Variants in WHRN observed in about 807,000 individuals in gnomAD.
WHRN encodes whirlin.
Under a neutral mutation model 68.3 loss-of-function variants are expected in WHRN, and 41 were observed. That is an observed-to-expected ratio of 0.60 (90% CI 0.47 to 0.78). WHRN has a LOEUF of 0.78. Ranked by LOEUF, WHRN falls within the 30% of genes least tolerant of loss-of-function variation. The pLI, the probability that WHRN is intolerant of heterozygous loss-of-function variation, is 0.00. For synonymous variants in WHRN, 560 were observed against 561.3 expected (o/e 1.00, Z 0.03); for missense variants, 1,243 against 1,244.7 (o/e 1.00, Z 0.02).
At chr9:114,449,937 TATTATTATC>T (rs1412075479) in intron 3 of WHRN, among the ~76,000 whole-genome samples, 1 of 152,122 alleles carries the variant, frequency 6.6e-6, no homozygotes, top group Non-Finnish European at 1.5e-5. Flanking sequence ...TAGGTGGTAC[TATTATTATC>T]ATTATTATCA....
At chr9:114,474,608 TC>T (rs1448953048) in intron 2 of WHRN, among the ~76,000 whole-genome samples, 1 of 152,146 alleles carries the variant, frequency 6.6e-6, no homozygotes, top group Non-Finnish European at 1.5e-5. Flanking sequence ...CTGCCACATG[TC>T]CAAACCTAAA....
At chr9:114,486,813 G>GAAA (rs1589246386) in intron 1 of WHRN, among the ~76,000 whole-genome samples, 2 of 35,702 alleles carry the variant, frequency 5.6e-5, no homozygotes, top group African/African-American at 3.9e-4. Context: ...AGCTTCCCAG[G>GAAA]CAAAAAAAAA....
chr9:114,406,551 G>A lies in WHRN; in HGVS notation c.2040C>T (p.Phe680=), dbSNP rs1299317856. ...GGTGCGGGGGTGACTGGACCCGTGGGAAGGGGCCGATGGGGTGTTGGTTGA... is the reference window on the plus strand; with the variant it reads ...GGTGCGGGGGTGACTGGACCCGTGGAAAGGGGCCGATGGGGTGTTGGTTGA... ...ALVNQHPIGP[F]PRVQSPPHLK... The change falls in exon 9 of 12, where the codon TTC becomes TTT. Residue 680 remains phenylalanine (F), a synonymous_variant. Transcript: ENST00000362057. 1 of 1,612,868 alleles carries A rather than the reference G, an allele frequency of 6.2e-7. No individual in the cohort carries two copies. Among genetic ancestry groups the A allele is most frequent in the Non-Finnish European group, 8.5e-7 (1 of 1,179,202 alleles).
intron 7 of WHRN, among the ~76,000 whole-genome samples, chr9:114,416,313 G>A (rs1215449740): frequency 6.6e-6 from 1 of 152,184 alleles, no homozygotes; most frequent in Non-Finnish European, 1.5e-5. Context: ...GGCTGGCCTT[G>A]ACCTCTCCAA....
intron 3 of WHRN, among the ~76,000 whole-genome samples, chr9:114,464,366 G>A (rs1388342651): frequency 1.3e-5 from 2 of 152,086 alleles, no homozygotes; most frequent in Non-Finnish European, 2.9e-5. Flanking sequence ...TCACAGTTTT[G>A]GAGGTTGGAA....
intron 3 of WHRN, among the ~76,000 whole-genome samples, chr9:114,453,324 G>A (rs1839500562): frequency 6.6e-6 from 1 of 152,052 alleles, no homozygotes; most frequent in African/African-American, 2.4e-5. Context: ...CCTCTGGGAG[G>A]GCACCAAGCC....
At position 114,455,215 on chromosome 9, in the gene WHRN, TTTTGTTTG is replaced by T. The variant is rs56173305; in HGVS notation, c.963+11044_963+11051del. The stretch of plus-strand genomic sequence containing the variant: ...AAAATTCTTGCTCTGCAAAAGATAC[TTTTGTTTG>T]TTTGTTTGTTTTGAGACAGGGTCTC... On this transcript the variant is annotated intron_variant, in intron 3 of 11. Coordinates refer to ENST00000362057, the MANE Select transcript of WHRN (RefSeq NM_015404.4). 2.1e-4 allele frequency among the ~76,000 whole-genome samples: 32 copies of T among 151,078 alleles called. No homozygotes were observed. The South Asian group carries it at 6.1e-3, about 29-fold the overall frequency.
intron 3 of WHRN, among the ~76,000 whole-genome samples, chr9:114,461,824 G>T (rs1840269746): frequency 6.6e-6 from 1 of 152,114 alleles, no homozygotes; most frequent in Non-Finnish European, 1.5e-5. Context: ...TGCCATCTTG[G>T]TATTATTACA....
Position 114,436,118 on chromosome 9 carries a change from C to A in WHRN, c.964-9705G>T, listed in dbSNP as rs533218042. ...AATGCATACTGCTAAGGGGAGGAAG[C>A]CAGTCTGAAAAGGCTACACACTGCA... On this transcript the variant is annotated intron_variant, in intron 3 of 11. Coordinates refer to ENST00000362057, the MANE Select transcript of WHRN (RefSeq NM_015404.4). 2.6e-5 allele frequency among the ~76,000 whole-genome samples: 4 copies of A among 152,198 alleles called. No homozygotes were observed. In the South Asian group the frequency reaches 8.3e-4, roughly 32 times the overall value.
chr9:114,481,698 A>T (rs1401430177), intron 1 of WHRN, among the ~76,000 whole-genome samples: 1 of 152,148 alleles, frequency 6.6e-6, no homozygotes, highest in Non-Finnish European at 1.5e-5. Flanking sequence ...TCCTAGACAG[A>T]CTGCAACACT....
intron 1 of WHRN, chr9:114,503,353 G>A: frequency 4.4e-6 from 1 of 227,300 alleles, no homozygotes; most frequent in Non-Finnish European, 7.3e-6. Context: ...GGGGAAGGGG[G>A]AAAAATGCCT....
intron 4 of WHRN, 128 bp downstream of exon 4, chr9:114,426,083 G>A: frequency 8.2e-7 from 1 of 1,217,020 alleles, no homozygotes; most frequent in Non-Finnish European, 1.2e-6. Flanking sequence ...CCTGCCAATG[G>A]AGGGCCCTGG....
At chr9:114,494,931 G>C (rs1019008064) in intron 1 of WHRN, among the ~76,000 whole-genome samples, 1 of 146,038 alleles carries the variant, frequency 6.8e-6, no homozygotes, top group Non-Finnish European at 1.5e-5. Flanking sequence ...TGACACTGGG[G>C]GGGGGAGCGG....
intron 7 of WHRN, among the ~76,000 whole-genome samples, chr9:114,421,713 C>G (rs771993339): frequency 1.3e-5 from 2 of 152,210 alleles, no homozygotes; most frequent in Non-Finnish European, 2.9e-5. Context: ...GACCTGCACC[C>G]TTAAACCAGA....
chr9:114,407,681 G>A (rs1237518460), intron 8 of WHRN, among the ~76,000 whole-genome samples: 1 of 131,996 alleles, frequency 7.6e-6, no homozygotes, highest in African/African-American at 2.5e-5. Flanking sequence ...GCACAGAGAG[G>A]CTAAGAAACT....
chr9:114,441,567 A>G (rs1838377596), intron 3 of WHRN, among the ~76,000 whole-genome samples: 1 of 152,206 alleles, frequency 6.6e-6, no homozygotes, highest in Non-Finnish European at 1.5e-5. Flanking sequence ...TGAGTCAGAA[A>G]GTAAGGAAAT....
Position 114,504,387 on chromosome 9 carries a change from G to T in WHRN, c.415C>A (p.Arg139Ser), listed in dbSNP as rs773634514. The change falls in exon 1 of 12, where the codon CGC (arginine) becomes AGC (serine). Residue 139 changes from arginine to serine, a missense_variant. Physicochemically the swap from Arg to Ser is moderately radical, Grantham distance 110. Coordinates refer to ENST00000362057, the MANE Select transcript of WHRN (RefSeq NM_015404.4). ...TTGGCACGCCGCAAACTCACCAGGC[G>T]CACCTCCCCTGGCCCCGCGCTGTCG... ...GPDSAGPGEV[R>S]LVSLRRAKAH... 1 of 1,606,036 alleles carries T rather than the reference G, an allele frequency of 6.2e-7. No individual in the cohort carries two copies. The highest frequency in any genetic ancestry group is 8.5e-7 in the Non-Finnish European group (1 of 1,179,752).
intron 7 of WHRN, among the ~76,000 whole-genome samples, chr9:114,419,799 C>T (rs1384960414): frequency 6.6e-6 from 1 of 152,168 alleles, no homozygotes; most frequent in Non-Finnish European, 1.5e-5. Context: ...AGAGGTGAAA[C>T]CACTTCCTGA....
At chr9:114,457,526 A>T (rs1839904603) in intron 3 of WHRN, among the ~76,000 whole-genome samples, 1 of 152,160 alleles carries the variant, frequency 6.6e-6, no homozygotes, top group Non-Finnish European at 1.5e-5. Context: ...CCCATTAATA[A>T]ACATAGAAGG....
Sources: allele counts gnomAD v4.1 joint callset (sites outside exome capture counted in the v4.1 genomes callset), GRCh38; gene constraint gnomAD v4.1.1; transcripts MANE v1.5; gene names NCBI Gene and HGNC (gene_info 2026-07-23, HGNC 2026-07-21).